DYNC2I1: variants seen among roughly 807,000 people sequenced by gnomAD.
DYNC2I1 encodes the protein cytoplasmic dynein 2 intermediate chain 1.
In DYNC2I1, 89 loss-of-function variants were observed where a neutral mutation model predicts 133.4. That is an observed-to-expected ratio of 0.67 (90% CI 0.56 to 0.80). The LOEUF is 0.80. Ranked by LOEUF, DYNC2I1 falls within the 30% of genes least tolerant of loss-of-function variation. The pLI is 0.00. For synonymous variants in DYNC2I1, 504 were observed against 484.3 expected (o/e 1.04, Z -0.54); for missense variants, 1,291 against 1,314.5 (o/e 0.98, Z 0.28).
intron 14 of DYNC2I1, among the ~76,000 whole-genome samples, chr7:158,917,381 AC>A: frequency 7.1e-6 from 1 of 141,828 alleles, no homozygotes; most frequent in Admixed American, 7.1e-5. Context: ...TGTCCTCCAC[AC>A]TCCACCCTCT....
downstream of DYNC2I1, among the ~76,000 whole-genome samples, chr7:158,950,079 C>T (rs865778858): frequency 3.3e-5 from 5 of 151,866 alleles, no homozygotes; most frequent in African/African-American, 7.3e-5. Context: ...CCAAGTCGAG[C>T]GTTTTTAAAA....
chr7:158,935,885 G>A (rs967075659), intron 23 of DYNC2I1, among the ~76,000 whole-genome samples: 1 of 152,110 alleles, frequency 6.6e-6, no homozygotes, highest in Admixed American at 6.6e-5. Context: ...GACCAACATG[G>A]AGAAGCCCCA....
intron 15 of DYNC2I1, 68 bp downstream of exon 15, chr7:158,918,937 G>A: frequency 6.7e-7 from 1 of 1,485,458 alleles, no homozygotes; most frequent in Admixed American, 2.1e-5. Context: ...ATAATACTCT[G>A]TAGTATAATA....
At chr7:158,950,015 C>G (rs1037845919), downstream of DYNC2I1, among the ~76,000 whole-genome samples, 2 of 152,144 alleles carry the variant, frequency 1.3e-5, no homozygotes, top group African/African-American at 4.8e-5. Flanking sequence ...AGGTGATCTG[C>G]CTGCCTCGGC....
chr7:158,945,686 G>GTA lies in DYNC2I1; in HGVS notation c.3108_3109insTA (p.Arg1037Ter). 6.2e-7 allele frequency: 1 copy of GTA among 1,612,724 alleles called. No homozygotes were observed. The highest frequency in any genetic ancestry group is 8.5e-7 in the Non-Finnish European group (1 of 1,179,438). On this transcript the variant is annotated frameshift_variant, in exon 25 of 25. Transcript: ENST00000407559. LOFTEE classifies it low-confidence loss of function (END_TRUNC). The surrounding 1 kb of genome is among the most constrained non-coding windows in gnomAD (Gnocchi z 4.1). ...GCTCCATCGACATCCAGCACCTGAAGAGGCGGTGGGCGGCCCCGGAGGTGG... is the reference window on the plus strand; with the variant it reads ...GCTCCATCGACATCCAGCACCTGAAGTAAGGCGGTGGGCGGCCCCGGAGGTGG...
intron 23 of DYNC2I1, among the ~76,000 whole-genome samples, chr7:158,937,093 AC>A (rs1850834735): frequency 6.6e-6 from 1 of 152,226 alleles, no homozygotes; most frequent in Non-Finnish European, 1.5e-5. Flanking sequence ...GAGCTCTCTG[AC>A]CAAGAGTTCA....
At chr7:158,942,390 C>T (rs372338355) in intron 24 of DYNC2I1, among the ~76,000 whole-genome samples, 8 of 152,212 alleles carry the variant, frequency 5.3e-5, no homozygotes, top group African/African-American at 1.9e-4. Flanking sequence ...ACATCCCGGC[C>T]GGAGGCACGT....
At chr7:158,944,979 C>G (rs1851733767) in intron 24 of DYNC2I1, among the ~76,000 whole-genome samples, 1 of 152,136 alleles carries the variant, frequency 6.6e-6, no homozygotes, top group Non-Finnish European at 1.5e-5. Flanking sequence ...CTTTGAGAGT[C>G]TCTGTCAGCC....
chr7:158,928,216 A>G (rs907248438), intron 20 of DYNC2I1, among the ~76,000 whole-genome samples: 1 of 151,832 alleles, frequency 6.6e-6, no homozygotes, highest in African/African-American at 2.4e-5. Flanking sequence ...AGGGCTCAGA[A>G]GTGACGGAGT....
At chr7:158,949,304 T>C (rs911006454), downstream of DYNC2I1, among the ~76,000 whole-genome samples, 1 of 152,248 alleles carries the variant, frequency 6.6e-6, no homozygotes, top group African/African-American at 2.4e-5. Context: ...TTTAAAATAG[T>C]TTATTTAGAA....
chr7:158,855,945 T>C (rs1049616853), upstream of DYNC2I1, among the ~76,000 whole-genome samples: 89 of 146,276 alleles, frequency 6.1e-4, no homozygotes, highest in East Asian at 2.8e-3. Context: ...TTTTCTTTTT[T>C]TTTTTTTTTT....
chr7:158,915,729 G>A (rs1437181241), intron 14 of DYNC2I1, among the ~76,000 whole-genome samples: 6 of 144,820 alleles, frequency 4.1e-5, no homozygotes, highest in Middle Eastern at 3.8e-3. Context: ...ACGTCGACAC[G>A]CTGGTTGACA....
At chr7:158,858,984 T>TC (rs1223738347) in intron 1 of DYNC2I1, among the ~76,000 whole-genome samples, 1 of 51,912 alleles carries the variant, frequency 1.9e-5, no homozygotes, top group Non-Finnish European at 3.7e-5. Flanking sequence ...TTTCCTCCCC[T>TC]CCCCCCCTTT....
At chr7:158,843,378 A>G in the DYNC2I1 span, among the ~76,000 whole-genome samples, 1 of 152,192 alleles carries the variant, frequency 6.6e-6, no homozygotes, top group African/African-American at 2.4e-5. Flanking sequence ...CTCCTGCCTC[A>G]GCCACCTGAG....
the DYNC2I1 span, among the ~76,000 whole-genome samples, chr7:158,841,202 TATATATATATA>T: frequency 3.8e-4 from 17 of 44,324 alleles, no homozygotes; most frequent in East Asian, 5.2e-3. Flanking sequence ...TATATATATA[TATATATATATA>T]TATATATATT....
At chr7:158,916,401 CGT>C (rs1848300722) in intron 14 of DYNC2I1, among the ~76,000 whole-genome samples, 2 of 78,650 alleles carry the variant, frequency 2.5e-5, no homozygotes, top group Non-Finnish European at 6.0e-5. Flanking sequence ...GATTGTGAAA[CGT>C]CGACACGCTG....
At chr7:158,918,404 C>T (rs978909568) in intron 14 of DYNC2I1, among the ~76,000 whole-genome samples, 6 of 152,126 alleles carry the variant, frequency 3.9e-5, no homozygotes, top group East Asian at 3.9e-4. Flanking sequence ...GAGAGAGACT[C>T]GGTGGGTTCA....
chr7:158,956,380 C>T (rs1051884984), intron 4 of DYNC2I1, among the ~76,000 whole-genome samples: 2 of 152,232 alleles, frequency 1.3e-5, no homozygotes, highest in Non-Finnish European at 2.9e-5. Flanking sequence ...GGGGCCACCT[C>T]TGGAAGGCTG....
At chr7:158,937,647 G>C (rs552120916) in intron 23 of DYNC2I1, among the ~76,000 whole-genome samples, 15 of 112,962 alleles carry the variant, frequency 1.3e-4, no homozygotes, top group South Asian at 1.1e-3. Context: ...ACACAAGGCT[G>C]GGTGCAGTGG....
Sources: allele counts gnomAD v4.1 joint callset (sites outside exome capture counted in the v4.1 genomes callset), GRCh38; gene constraint gnomAD v4.1.1; non-coding constraint Gnocchi (gnomAD v3.1); transcripts MANE v1.5; gene names NCBI Gene and HGNC (gene_info 2026-07-23, HGNC 2026-07-21).